The following PDXDC1 variants were observed in gnomAD, a reference collection of about 807,000 sequenced individuals.
PDXDC1 encodes pyridoxal dependent decarboxylase domain containing 1, also known as pyridoxal-dependent decarboxylase domain-containing protein 1.
A neutral mutation model predicts 100.1 loss-of-function variants in PDXDC1; 42 were observed. The observed-to-expected ratio is 0.42, with a 90% CI of 0.33 to 0.54. PDXDC1 has a LOEUF of 0.54. Among genes scored for constraint, PDXDC1 ranks in the 20% least tolerant of loss-of-function variants. The pLI is 0.10. For synonymous variants in PDXDC1, 260 were observed against 371.7 expected, an observed-to-expected ratio of 0.70 and a Z score of 3.46; for missense variants, 636 against 979.2, an observed-to-expected ratio of 0.65 and a Z score of 4.68.
intron 16 of PDXDC1, chr16:15,125,237 TG>T (rs1452029493): frequency 1.8e-6 from 1 of 560,894 alleles, no homozygotes; most frequent in Non-Finnish European, 3.2e-6. Flanking sequence ...AAGTGGGGGT[TG>T]TGCCGCAGAT....
At chr16:15,125,872 C>G in intron 16 of PDXDC1, 1 of 788,732 alleles carries the variant, frequency 1.3e-6, no homozygotes, top group Non-Finnish European at 2.2e-6. Context: ...GGATGAGAAG[C>G]CACCTCCTCA....
In PDXDC1 at chr16:15,061,570, A is replaced by T. The variant is rs1012021091; in HGVS notation, c.1399+31514A>T. 6.3e-5 allele frequency: 32 copies of T among 506,930 alleles called. 1 individual carries two copies. In the Middle Eastern group the frequency reaches 1.6e-3, roughly 25 times the overall value. The allele number at this position is 506,930 out of a possible 1,614,324, so 31.4% of individuals were successfully genotyped here. A position where few individuals can be genotyped will look rare whatever the true frequency, so the allele number is the denominator to read the frequency against. ...TGTCTGTAAGGGGAACAACAACAACAAAAAAACCCAGTCTTCAGATGCTTG... is the reference window on the plus strand; with the variant it reads ...TGTCTGTAAGGGGAACAACAACAACTAAAAAACCCAGTCTTCAGATGCTTG... On this transcript the variant is annotated intron_variant, in intron 16 of 16. Coordinates refer to the PDXDC1 transcript ENST00000535621.
chr16:15,089,572 G>A (rs534426592), intron 16 of PDXDC1, among the ~76,000 whole-genome samples: 25 of 152,096 alleles, frequency 1.6e-4, no homozygotes, highest in East Asian at 7.7e-4. Context: ...AGGCCAAGGC[G>A]GGCGGATCAC....
In PDXDC1 at chr16:15,036,317, G is replaced by C; in HGVS notation, c.*42G>C. 1 of 1,538,306 alleles carries C rather than the reference G, an allele frequency of 6.5e-7. No individual in the cohort carries two copies. On this transcript the variant is annotated 3_prime_UTR_variant, in exon 23 of 23. Transcript: ENST00000396410. ...TGAGACTGTACTGAGTATTGTTTCA[G>C]GGAAGATGAAGTTCTATTGGAAATG...
At chr16:14,974,844 G>T (rs1220619106), upstream of PDXDC1, 5 of 1,535,614 alleles carry the variant, frequency 3.3e-6, no homozygotes, top group East Asian at 9.8e-5. Flanking sequence ...TCCATGAATA[G>T]TACTTTGTGA....
intron 14 of PDXDC1, among the ~76,000 whole-genome samples, chr16:15,028,219 C>T (rs539559650): frequency 8.5e-5 from 13 of 152,398 alleles, no homozygotes; most frequent in South Asian, 8.3e-4. Flanking sequence ...CCTTTCCTAC[C>T]GCAAGGGCTT....
chr16:15,098,283 C>A (rs1446978825), intron 16 of PDXDC1, among the ~76,000 whole-genome samples: 1 of 151,062 alleles, frequency 6.6e-6, no homozygotes, highest in Non-Finnish European at 1.5e-5. Flanking sequence ...TCACTGCAAC[C>A]TCTGCCTCCC....
chr16:15,031,598 T>A, intron 16 of PDXDC1, 137 bp from the exon 17 acceptor site: 2 of 667,428 alleles, frequency 3.0e-6, no homozygotes, highest in South Asian at 4.0e-5. Flanking sequence ...GAGGGCCTTT[T>A]TTTGTTTAAA....
rs2966124 is a variant in PDXDC1, at chr16:15,131,418, A to G, written c.1400-7461A>G. Reference sequence around the variant, plus strand: ...TGAGCTGCACCACGTCACTGAGGTTAGCCGGGGCCCTGCTGAAAGCCTAGG... The same window carrying G: ...TGAGCTGCACCACGTCACTGAGGTTGGCCGGGGCCCTGCTGAAAGCCTAGG... On this transcript the variant is annotated intron_variant, in intron 16 of 16. Transcript: ENST00000535621. 7.8e-4 allele frequency: 1,257 copies of G among 1,606,792 alleles called. 5 individuals carry two copies. The highest frequency in any genetic ancestry group is 3.6e-3 in the Middle Eastern group (16 of 4,420).
Position 15,001,999 on chromosome 16 carries a change from A to T in PDXDC1, c.242+143A>T, listed in dbSNP as rs1268675699. On this transcript the variant is annotated intron_variant, in intron 4 of 22. Transcript: ENST00000396410. ...AAAATAATCCTTTTTATTTTCAGAA[A>T]GACATTTATATTAATATATATTTTG... 8.7e-6 allele frequency: 6 copies of T among 692,308 alleles called. No individual in the cohort carries two copies. The East Asian group carries it at 1.9e-4, about 22-fold the overall frequency. 42.9% of individuals were successfully genotyped at this position (692,308 alleles called of 1,614,324 possible).
chr16:15,023,637 T>A (rs1225056116), intron 13 of PDXDC1, among the ~76,000 whole-genome samples: 2 of 152,246 alleles, frequency 1.3e-5, no homozygotes, highest in Non-Finnish European at 2.9e-5. Context: ...CCAGCCTGGG[T>A]GACAGAGACC....
At chr16:15,149,430 C>G in the PDXDC1 span, among the ~76,000 whole-genome samples, 7 of 152,210 alleles carry the variant, frequency 4.6e-5, no homozygotes, top group African/African-American at 1.7e-4. Context: ...ATCCAGGGAC[C>G]AGAAATGGGA....
chr16:15,144,162 C>G (rs575283167), downstream of PDXDC1, among the ~76,000 whole-genome samples: 1 of 152,258 alleles, frequency 6.6e-6, no homozygotes, highest in South Asian at 2.1e-4. Context: ...GAGAGCAGGC[C>G]CAGGGTGAGG....
At chr16:15,058,393 A>G (rs1265963016) in intron 16 of PDXDC1, among the ~76,000 whole-genome samples, 2 of 152,226 alleles carry the variant, frequency 1.3e-5, no homozygotes, top group African/African-American at 4.8e-5. Context: ...GGCTGATGGC[A>G]AAGTTCAAAG....
intron 16 of PDXDC1, chr16:15,060,146 T>C (rs775698667): frequency 2.4e-6 from 1 of 410,654 alleles, no homozygotes; most frequent in South Asian, 1.9e-5. Context: ...TAAACAGACT[T>C]ATATGTAAAT....
intron 16 of PDXDC1, chr16:15,045,465 T>TC (rs1280087993): frequency 2.1e-5 from 3 of 140,290 alleles, no homozygotes; most frequent in Non-Finnish European, 4.6e-5. Context: ...AGACTCTGTC[T>TC]CAAAAAAAAA....
rs1340671170 is a variant in PDXDC1 at position 15,051,391 on chromosome 16, C to CT, written c.1399+21336dup. 2.4e-4 allele frequency among the ~76,000 whole-genome samples: 37 copies of CT among 152,372 alleles called. No individual in the cohort carries two copies. In the East Asian group the frequency reaches 3.7e-3, roughly 15 times the overall value. On this transcript the variant is annotated intron_variant, in intron 16 of 16. Transcript: ENST00000535621. ...CTTTTTTTAAACAGGGTCTTACTGT[C>CT]TCCCAGGCTGGAGTGCAGCGGCGAG...
chr16:14,992,239 T>A (rs1971015083), intron 1 of PDXDC1, among the ~76,000 whole-genome samples: 1 of 152,284 alleles, frequency 6.6e-6, no homozygotes, highest in Non-Finnish European at 1.5e-5. Flanking sequence ...ATCAGTATCA[T>A]TAGAGGGGAT....
intron 16 of PDXDC1, chr16:15,085,621 A>C (rs1434561003): frequency 1.2e-6 from 2 of 1,610,364 alleles, no homozygotes; most frequent in South Asian, 2.2e-5. Context: ...CCCAGGCTTT[A>C]AACCTTTTTA....
Sources: allele counts gnomAD v4.1 joint callset (sites outside exome capture counted in the v4.1 genomes callset), GRCh38; gene constraint gnomAD v4.1.1; transcripts MANE v1.5; gene names NCBI Gene and HGNC (gene_info 2026-07-23, HGNC 2026-07-21).